Variants in CNTNAP2 observed in about 807,000 individuals in gnomAD.
CNTNAP2 encodes the protein contactin associated protein 2.
In CNTNAP2, 98 loss-of-function variants were observed where a neutral mutation model predicts 155.2. That is an observed-to-expected ratio of 0.63 (90% CI 0.54 to 0.75). The LOEUF (loss-of-function observed/expected upper bound fraction) is 0.75, where lower values mean the gene tolerates loss of function less well. Among genes scored for constraint, CNTNAP2 ranks in the 30% least tolerant of loss-of-function variants. The pLI is 0.00. For synonymous variants in CNTNAP2, 651 were observed against 631.2 expected, an observed-to-expected ratio of 1.03 and a Z score of -0.47; for missense variants, 1,727 against 1,688.1, an observed-to-expected ratio of 1.02 and a Z score of -0.40.
intron 15 of CNTNAP2, among the ~76,000 whole-genome samples, chr7:148,098,304 T>G (rs890885813): frequency 1.3e-5 from 2 of 151,010 alleles, no homozygotes; most frequent in African/African-American, 4.9e-5. Flanking sequence ...ATTAGCTGAG[T>G]GTGGTGGCAC....
intron 8 of CNTNAP2, among the ~76,000 whole-genome samples, chr7:147,213,430 A>G (rs1803199493): frequency 6.6e-6 from 1 of 152,150 alleles, no homozygotes; most frequent in African/African-American, 2.4e-5. Flanking sequence ...CTCTTAGCCC[A>G]GTTGAGTTGA....
intron 15 of CNTNAP2, among the ~76,000 whole-genome samples, chr7:148,098,155 A>C (rs1199717091): frequency 6.6e-6 from 1 of 151,896 alleles, no homozygotes; most frequent in African/African-American, 2.4e-5. Flanking sequence ...TGGTACTTTA[A>C]AGAAAAGAGG....
At chr7:146,688,316 C>T (rs896457283) in intron 1 of CNTNAP2, among the ~76,000 whole-genome samples, 6 of 152,078 alleles carry the variant, frequency 3.9e-5, no homozygotes, top group African/African-American at 1.2e-4. Context: ...ATCATTGTGT[C>T]ATCATGTTAT....
intron 21 of CNTNAP2, among the ~76,000 whole-genome samples, chr7:148,332,300 T>G (rs12673806): frequency 0.31 from 47,846 of 152,060 alleles, 8,197 homozygotes; most frequent in Non-Finnish European, 0.4. Flanking sequence ...CTTTATTTGC[T>G]TATGACATGA....
chr7:147,088,861 T>G (rs1034862353), intron 4 of CNTNAP2, among the ~76,000 whole-genome samples: 1 of 152,122 alleles, frequency 6.6e-6, no homozygotes, highest in Non-Finnish European at 1.5e-5. Flanking sequence ...GGAAGATTGC[T>G]TGAGCCCCGG....
At chr7:146,970,665 G>C (rs1001472261) in intron 3 of CNTNAP2, among the ~76,000 whole-genome samples, 1 of 152,056 alleles carries the variant, frequency 6.6e-6, no homozygotes, top group African/African-American at 2.4e-5. Flanking sequence ...ATTCCTCAGG[G>C]ATCTAGAACT....
intron 15 of CNTNAP2, among the ~76,000 whole-genome samples, chr7:148,017,996 G>T (rs907844996): frequency 6.6e-6 from 1 of 152,176 alleles, no homozygotes; most frequent in Non-Finnish European, 1.5e-5. Context: ...AACACAAAAC[G>T]CTTTCTGTTA....
At chr7:147,654,262 T>TA (rs964177149) in intron 13 of CNTNAP2, among the ~76,000 whole-genome samples, 1 of 152,220 alleles carries the variant, frequency 6.6e-6, no homozygotes, top group African/African-American at 2.4e-5. Context: ...ATTAATATAG[T>TA]AAAAAATTAT....
Position 147,784,069 on chromosome 7 carries a change from A to G in CNTNAP2, c.2099-119496A>G, listed in dbSNP as rs904013159. ...CTTGATTTGTAGATGCATCACTTCA[A>G]TCTCTGCCTTTGTGTTCACATGGAA... On this transcript the variant is annotated intron_variant, in intron 13 of 23. Coordinates refer to ENST00000361727, the MANE Select transcript of CNTNAP2 (RefSeq NM_014141.6). Among the ~76,000 whole-genome samples the G allele has an allele frequency of 2.9e-4, 44 of 151,690 alleles. 2 individuals carry two copies. The highest frequency in any genetic ancestry group is 3.3e-4 in the Admixed American group (5 of 15,212).
chr7:146,625,732 G>C, intron 1 of CNTNAP2, among the ~76,000 whole-genome samples: 1 of 151,936 alleles, frequency 6.6e-6, no homozygotes, highest in Non-Finnish European at 1.5e-5. Flanking sequence ...GTTTTCAAAA[G>C]ACCATGTTTT....
chr7:146,346,838 A>C (rs36093044), intron 1 of CNTNAP2, among the ~76,000 whole-genome samples: 68 of 152,198 alleles, frequency 4.5e-4, no homozygotes, highest in Non-Finnish European at 8.1e-4. Context: ...GCTGCCAAAA[A>C]TGGATGGGGG....
At chr7:147,026,611 A>C (rs1798925356) in intron 3 of CNTNAP2, among the ~76,000 whole-genome samples, 1 of 149,972 alleles carries the variant, frequency 6.7e-6, no homozygotes, top group Non-Finnish European at 1.5e-5. Context: ...TCTGTTAGAG[A>C]TTTTCTTTCA....
chr7:147,882,748 T>C (rs2708242), intron 13 of CNTNAP2, among the ~76,000 whole-genome samples: 31,924 of 151,840 alleles, frequency 0.21, 4,057 homozygotes, highest in African/African-American at 0.37. Context: ...TATTACTCAT[T>C]ACCCTAAACC....
chr7:148,024,875 T>C (rs1336438916), intron 15 of CNTNAP2, among the ~76,000 whole-genome samples: 1 of 152,206 alleles, frequency 6.6e-6, no homozygotes, highest in African/African-American at 2.4e-5. Context: ...GAACTTCATG[T>C]CTCACAAGCA....
intron 8 of CNTNAP2, among the ~76,000 whole-genome samples, chr7:147,269,116 C>G (rs145944984): frequency 2.0e-5 from 3 of 152,230 alleles, no homozygotes; most frequent in Admixed American, 6.5e-5. Flanking sequence ...CTAGAACTCA[C>G]GGGTCCTGAA....
At chr7:147,034,091 G>C (rs1460993858) in intron 3 of CNTNAP2, among the ~76,000 whole-genome samples, 1 of 152,104 alleles carries the variant, frequency 6.6e-6, no homozygotes, top group Non-Finnish European at 1.5e-5. Flanking sequence ...TTCTAGAAAA[G>C]GAGTGGGGAC....
rs191200228 is a variant in CNTNAP2, at chr7:148,146,628, T to A, written c.2555-863T>A. Among the ~76,000 whole-genome samples the A allele has an allele frequency of 3.5e-4, 53 of 152,332 alleles. 1 individual carries two copies. The highest frequency in any genetic ancestry group is 1.3e-3 in the African/African-American group (52 of 41,596). ...AGGAGCCTACAACCCAGATGGGGAATAACCAAGGTTTGCAACAGACGATGT... is the reference window on the plus strand; with the variant it reads ...AGGAGCCTACAACCCAGATGGGGAAAAACCAAGGTTTGCAACAGACGATGT... On this transcript the variant is annotated intron_variant, in intron 16 of 23. Coordinates refer to ENST00000361727, the MANE Select transcript of CNTNAP2 (RefSeq NM_014141.6).
chr7:146,839,312 TATA>T (rs1803675060), intron 2 of CNTNAP2, among the ~76,000 whole-genome samples: 1 of 152,174 alleles, frequency 6.6e-6, no homozygotes, highest in Non-Finnish European at 1.5e-5. Context: ...GTTTTTAATT[TATA>T]ATTTATTAAA....
intron 1 of CNTNAP2, among the ~76,000 whole-genome samples, chr7:146,748,145 T>TTTCTTTTC (rs1312227204): frequency 1.1e-4 from 15 of 138,906 alleles, no homozygotes; most frequent in African/African-American, 3.2e-4. Context: ...TTTCTTTTCT[T>TTTCTTTTC]TTTTTTTTTT....
Sources: gnomAD v4.1 joint callset for allele counts (sites outside exome capture counted in the v4.1 genomes callset) on GRCh38, gnomAD v4.1.1 for gene constraint, MANE v1.5 for transcripts, NCBI Gene and HGNC (gene_info 2026-07-23, HGNC 2026-07-21) for gene names.